The following NFIA variants were observed in gnomAD, a reference collection of about 807,000 sequenced individuals.
NFIA encodes nuclear factor I A, also known as nuclear factor 1 A-type.
NFIA carries 8 observed loss-of-function variants against 62.8 expected under a neutral mutation model. The observed-to-expected ratio is 0.13, with a 90% CI of 0.07 to 0.23. NFIA has a LOEUF of 0.23. Among genes scored for constraint, NFIA ranks in the 10% least tolerant of loss-of-function variants. The pLI, the probability that NFIA is intolerant of heterozygous loss-of-function variation, is 1.00. For missense variants in NFIA, 410 were observed against 642.1 expected (o/e 0.64, Z 3.91); for synonymous variants, 235 against 238.1 (o/e 0.99, Z 0.12).
At chr1:61,262,794 T>A (rs1035384273) in intron 2 of NFIA, among the ~76,000 whole-genome samples, 1 of 152,208 alleles carries the variant, frequency 6.6e-6, no homozygotes, top group African/African-American at 2.4e-5. Context: ...AGTCTCCTTA[T>A]GGAATTATGT....
chr1:61,414,887 A>G (rs1050154552), intron 9 of NFIA, among the ~76,000 whole-genome samples: 5 of 152,186 alleles, frequency 3.3e-5, no homozygotes, highest in Non-Finnish European at 7.3e-5. Flanking sequence ...GTGAATGTTA[A>G]TAACATTCTT....
chr1:61,204,336 A>G (rs554449280), intron 2 of NFIA, among the ~76,000 whole-genome samples: 10 of 152,302 alleles, frequency 6.6e-5, no homozygotes, highest in African/African-American at 2.4e-4. Flanking sequence ...ACTTACTCCT[A>G]TGTAGTTTCT....
chr1:61,426,410 TTG>T lies in NFIA; in HGVS notation c.1421-48_1421-47del, dbSNP rs1666870747. On this transcript the variant is annotated intron_variant, in intron 9 of 10. Coordinates refer to ENST00000403491, the MANE Select transcript of NFIA (RefSeq NM_001134673.4). ...CGGAGACTGTGTGTTTTGGTGTTGTTTGTGTGTGCAATCTCGTGCCGCTTCCT... is the reference window on the plus strand; with the variant it reads ...CGGAGACTGTGTGTTTTGGTGTTGTTTGTGTGCAATCTCGTGCCGCTTCCT... 5.9e-6 allele frequency: 7 copies of T among 1,182,896 alleles called. No individual in the cohort carries two copies. The East Asian group carries it at 1.8e-4, about 30-fold the overall frequency. 73.3% of individuals were successfully genotyped at this position (1,182,896 alleles called of 1,614,324 possible).
intron 2 of NFIA, among the ~76,000 whole-genome samples, chr1:61,266,835 G>A (rs1657203205): frequency 6.6e-6 from 1 of 152,192 alleles, no homozygotes; most frequent in African/African-American, 2.4e-5. Flanking sequence ...GCTTTAACCA[G>A]TCTATATGCT....
chr1:61,263,768 C>A (rs1656924356), intron 2 of NFIA, among the ~76,000 whole-genome samples: 1 of 151,928 alleles, frequency 6.6e-6, no homozygotes, highest in African/African-American at 2.4e-5. Context: ...GCTGAGGCAG[C>A]TGGATCACTT....
intron 10 of NFIA, among the ~76,000 whole-genome samples, chr1:61,450,303 A>C (rs144899799): frequency 6.6e-6 from 1 of 152,362 alleles, no homozygotes; most frequent in African/African-American, 2.4e-5. Context: ...GAGAGACCTC[A>C]TCCATTTCTA....
At chr1:61,085,423 GGTTTTCAGGTTT>G (rs1383971382) in intron 1 of NFIA, among the ~76,000 whole-genome samples, 1 of 152,108 alleles carries the variant, frequency 6.6e-6, no homozygotes, top group African/African-American at 2.4e-5. Flanking sequence ...TTTTGAAACA[GGTTTTCAGGTTT>G]GTTTTTATTG....
rs368396313 is a variant in NFIA, at chr1:61,455,404, C to G, written c.*84C>G. 1.8e-5 allele frequency: 29 copies of G among 1,608,034 alleles called. No homozygotes were observed. In the African/African-American group the frequency reaches 2.9e-4, roughly 16 times the overall value. The stretch of plus-strand genomic sequence containing the variant: ...ACATGGACGCAACCTCAACCCAGCG[C>G]AGTTACAACTTCACTATCAGCGGAA... On this transcript the variant is annotated 3_prime_UTR_variant, in exon 11 of 11. Coordinates refer to ENST00000403491, the MANE Select transcript of NFIA (RefSeq NM_001134673.4).
chr1:61,234,629 C>G (rs1373031709), intron 2 of NFIA, among the ~76,000 whole-genome samples: 1 of 152,114 alleles, frequency 6.6e-6, no homozygotes, highest in African/African-American at 2.4e-5. Flanking sequence ...ATGGTTAGCT[C>G]TAGTCCCAGC....
intron 9 of NFIA, among the ~76,000 whole-genome samples, chr1:61,414,174 G>T (rs1274746258): frequency 1.3e-5 from 2 of 151,900 alleles, no homozygotes; most frequent in African/African-American, 2.4e-5. Context: ...GTTAAGACAG[G>T]GTTTCGTCAT....
intron 3 of NFIA, among the ~76,000 whole-genome samples, chr1:61,318,489 A>G (rs996464540): frequency 6.6e-5 from 10 of 152,164 alleles, no homozygotes; most frequent in African/African-American, 2.2e-4. Flanking sequence ...ATCACAAGCA[A>G]TGGTCCCTCC....
In NFIA at chr1:61,379,839, C is replaced by T. The variant is rs114191052; in HGVS notation, c.947-3398C>T. On this transcript the variant is annotated intron_variant, in intron 6 of 10. Coordinates refer to ENST00000403491, the MANE Select transcript of NFIA (RefSeq NM_001134673.4). ...CAGTGCTGAGATTATAGACATGAGC[C>T]ACCAGCCCAGCCTGACTACCACAAA... is the stretch of plus-strand genomic sequence containing the variant. Among the ~76,000 whole-genome samples, 1,445 of 152,268 alleles carry T rather than the reference C, an allele frequency of 9.5e-3. 21 individuals carry two copies. Among genetic ancestry groups the T allele is most frequent in the African/African-American group, 0.034 (1,395 of 41,540 alleles).
chr1:61,125,804 A>C (rs1160893741), intron 2 of NFIA, among the ~76,000 whole-genome samples: 2 of 152,198 alleles, frequency 1.3e-5, no homozygotes, highest in East Asian at 3.8e-4. Context: ...GAGATCACCT[A>C]AGCCTAGTTT....
At chr1:61,301,226 T>G (rs1380423175) in intron 3 of NFIA, among the ~76,000 whole-genome samples, 1 of 152,134 alleles carries the variant, frequency 6.6e-6, no homozygotes, top group Non-Finnish European at 1.5e-5. Flanking sequence ...TAAGATAGCT[T>G]CTTTTAGGGC....
intron 2 of NFIA, among the ~76,000 whole-genome samples, chr1:61,208,107 A>G (rs1358770065): frequency 1.3e-5 from 2 of 151,998 alleles, no homozygotes; most frequent in South Asian, 2.1e-4. Context: ...GAGCAGGTCA[A>G]GTGCTTTCTT....
At chr1:61,349,697 C>T (rs1005405761) in intron 4 of NFIA, among the ~76,000 whole-genome samples, 1 of 152,146 alleles carries the variant, frequency 6.6e-6, no homozygotes, top group Non-Finnish European at 1.5e-5. Flanking sequence ...GTCTCAGCCT[C>T]CTAAGTAGCT....
chr1:61,183,614 G>T (rs1337504493), intron 2 of NFIA, among the ~76,000 whole-genome samples: 1 of 152,126 alleles, frequency 6.6e-6, no homozygotes, highest in Non-Finnish European at 1.5e-5. Flanking sequence ...TTGCTCCTTT[G>T]GCCCCCACTG....
rs149190012 is a variant in NFIA at position 61,318,766 on chromosome 1, C to T, written c.626-13746C>T. Among the ~76,000 whole-genome samples, 26 of 152,232 alleles carry T rather than the reference C, an allele frequency of 1.7e-4. No individual in the cohort carries two copies. The East Asian group carries it at 4.6e-3, about 27-fold the overall frequency. On this transcript the variant is annotated intron_variant, in intron 3 of 10. Transcript: ENST00000403491. ...CCATGTCTGATTTGGAAGACAGTTT[C>T]GCCAGTTTCTTCTCCTTGTCCTTTA... is the stretch of plus-strand genomic sequence containing the variant.
chr1:61,266,514 C>T (rs1657178452), intron 2 of NFIA, among the ~76,000 whole-genome samples: 1 of 152,150 alleles, frequency 6.6e-6, no homozygotes, highest in African/African-American at 2.4e-5. Flanking sequence ...TCTCCTGCCT[C>T]AGCCTCCCAA....
Sources: gnomAD v4.1 joint callset for allele counts (sites outside exome capture counted in the v4.1 genomes callset) on GRCh38, gnomAD v4.1.1 for gene constraint, MANE v1.5 for transcripts, NCBI Gene and HGNC (gene_info 2026-07-23, HGNC 2026-07-21) for gene names.